USP49: variants seen among roughly 807,000 people sequenced by gnomAD.
The protein encoded by USP49 is ubiquitin specific peptidase 49.
Under a neutral mutation model 58.6 loss-of-function variants are expected in USP49, and 24 were observed. The ratio of observed to expected loss-of-function variants is 0.41; its 90% CI spans 0.30 to 0.58. The LOEUF is 0.58. USP49 is among the 20% of genes least tolerant of loss of function. The pLI is 0.30. For synonymous variants in USP49, 408 were observed against 365.1 expected (o/e 1.12, Z -1.34); for missense variants, 703 against 866.1 (o/e 0.81, Z 2.36).
chr6:41,856,325 A>T (rs1244022938), intron 3 of USP49, among the ~76,000 whole-genome samples: 1 of 151,668 alleles, frequency 6.6e-6, no homozygotes, highest in African/African-American at 2.4e-5. Context: ...CAGTGAGCCG[A>T]GATGGCGCCA....
chr6:41,817,457 CTTTT>C (rs58559695), intron 3 of USP49, among the ~76,000 whole-genome samples: 7 of 74,806 alleles, frequency 9.4e-5, no homozygotes, highest in Non-Finnish European at 1.2e-4. Flanking sequence ...TTCTTTCTTT[CTTTT>C]TTTTTTTTTT....
chr6:41,813,730 A>C (rs1773300723), intron 3 of USP49, among the ~76,000 whole-genome samples: 1 of 152,226 alleles, frequency 6.6e-6, no homozygotes, highest in Non-Finnish European at 1.5e-5. Flanking sequence ...GCACCTCACC[A>C]TACTGATTTA....
intron 2 of USP49, among the ~76,000 whole-genome samples, chr6:41,889,126 A>G (rs377387973): frequency 5.3e-5 from 8 of 151,712 alleles, no homozygotes; most frequent in African/African-American, 1.9e-4. Flanking sequence ...TCTGTCTCCC[A>G]GGTTCAAGCA....
Position 41,806,461 on chromosome 6 carries a change from C to T in USP49, c.523G>A (p.Glu175Lys). ...TCCTTCTTGCGCTCCAGGGCCTCCT[C>T]CTGCCGCCGCTGCTCCAGCTTCGCC... is the stretch of plus-strand genomic sequence containing the variant. ...GQAKLEQRRQ[E>K]EALERKKEEA... The change falls in exon 4 of 8, where the codon GAG becomes AAG. Residue 175 changes from glutamate to lysine, a missense_variant. By Grantham distance (56) the Glu-to-Lys change is moderately conservative. Transcript: ENST00000682992. This position sits in a 1 kb window ranked among gnomAD's most constrained non-coding sequence, Gnocchi z 5.9. 2 of 1,594,932 alleles carry T rather than the reference C, an allele frequency of 1.3e-6. No homozygotes were observed. The highest frequency in any genetic ancestry group is 1.7e-6 in the Non-Finnish European group (2 of 1,178,026).
intron 2 of USP49, among the ~76,000 whole-genome samples, chr6:41,887,016 C>T (rs188677457): frequency 1.2e-3 from 183 of 152,310 alleles, no homozygotes; most frequent in Non-Finnish European, 1.8e-3. Context: ...AAAGTTCTTG[C>T]TATTTTAATG....
intron 3 of USP49, among the ~76,000 whole-genome samples, chr6:41,865,441 T>C (rs1774296484): frequency 6.6e-6 from 1 of 152,178 alleles, no homozygotes; most frequent in African/African-American, 2.4e-5. Flanking sequence ...CTATCTTTAT[T>C]GTTACGCTGG....
rs952630333 is a variant in USP49 at position 41,797,181 on chromosome 6, C to T, written c.1877-458G>A. ...TTCACCATGTTAGCCAGGATGGTCT[C>T]GACCTCCTGACCTCGTGATCCGCCC... is the stretch of plus-strand genomic sequence containing the variant. On this transcript the variant is annotated intron_variant, in intron 7 of 7. Coordinates refer to ENST00000682992, the MANE Select transcript of USP49 (RefSeq NM_001286554.2). Among the ~76,000 whole-genome samples, 91 of 152,172 alleles carry T rather than the reference C, an allele frequency of 6.0e-4. 1 individual carries two copies. Among genetic ancestry groups the T allele is most frequent in the Admixed American group, 5.8e-3 (89 of 15,278 alleles).
At chr6:41,893,443 A>G (rs944796519) in intron 1 of USP49, among the ~76,000 whole-genome samples, 3 of 152,226 alleles carry the variant, frequency 2.0e-5, no homozygotes, top group African/African-American at 7.2e-5. Context: ...TAATCAAAAG[A>G]AACAGATTCT....
intron 2 of USP49, among the ~76,000 whole-genome samples, chr6:41,877,149 T>A (rs1774516959): frequency 6.6e-6 from 1 of 152,198 alleles, no homozygotes; most frequent in Non-Finnish European, 1.5e-5. Context: ...TTGCCATGGG[T>A]TTTGTCCATT....
chr6:41,806,529 G>A lies in USP49; in HGVS notation c.455C>T (p.Ala152Val). 6.3e-7 allele frequency: 1 copy of A among 1,599,808 alleles called. No homozygotes were observed. The highest frequency in any genetic ancestry group is 8.5e-7 in the Non-Finnish European group (1 of 1,179,280). ...ALWYRRQRLL[A>V]RTLRLWFEKS... ...CTCGAACCACAGCCGCAGCGTCCTG[G>A]CCAGCAGGCGCTGACGCCGGTACCA... is the stretch of plus-strand genomic sequence containing the variant. Residue 152 changes from alanine (A) to valine (V), a missense_variant, in exon 4 of 8, where the codon GCC becomes GTC. By Grantham distance (64) the Ala-to-Val change is moderately conservative. Around this residue, in one of 6 missense-constraint regions of USP49, gnomAD observed 376 missense variants for 373.5 expected, o/e 1.01. Coordinates refer to ENST00000682992, the MANE Select transcript of USP49 (RefSeq NM_001286554.2). This position sits in a 1 kb window ranked among gnomAD's most constrained non-coding sequence, Gnocchi z 5.9.
intron 3 of USP49, among the ~76,000 whole-genome samples, chr6:41,808,058 C>G (rs965200701): frequency 6.6e-6 from 1 of 151,966 alleles, no homozygotes; most frequent in Admixed American, 6.6e-5. Context: ...AATACAGGCA[C>G]GAGCCACTGC....
intron 3 of USP49, among the ~76,000 whole-genome samples, chr6:41,866,532 C>T (rs1774322263): frequency 1.3e-5 from 2 of 152,212 alleles, no homozygotes; most frequent in South Asian, 2.1e-4. Context: ...ATACAAACAA[C>T]ATTCTGAGTT....
intron 2 of USP49, among the ~76,000 whole-genome samples, chr6:41,889,410 T>C (rs1037456127): frequency 2.0e-4 from 30 of 152,330 alleles, no homozygotes; most frequent in Non-Finnish European, 4.3e-4. Flanking sequence ...GTCTTTAAAA[T>C]ATGTATTTCA....
chr6:41,820,754 C>T (rs534763539), intron 3 of USP49, among the ~76,000 whole-genome samples: 1 of 152,246 alleles, frequency 6.6e-6, no homozygotes, highest in Non-Finnish European at 1.5e-5. Context: ...AATCACAGCA[C>T]TTTGGGAAGC....
chr6:41,803,778 T>C lies in USP49; in HGVS notation c.1561+28A>G. 2 of 1,611,512 alleles carry C rather than the reference T, an allele frequency of 1.2e-6. No individual in the cohort carries two copies. The highest frequency in any genetic ancestry group is 1.7e-6 in the Non-Finnish European group (2 of 1,177,792). Reference sequence around the variant, plus strand: ...TGATATTCCAATTATTCTTCCCCACTACGCCCCCTCCTCCACACAGCACTC... The same window carrying C: ...TGATATTCCAATTATTCTTCCCCACCACGCCCCCTCCTCCACACAGCACTC... On this transcript the variant is annotated intron_variant, in intron 5 of 7. Coordinates refer to ENST00000682992, the MANE Select transcript of USP49 (RefSeq NM_001286554.2). This position sits in a 1 kb window ranked among gnomAD's most constrained non-coding sequence, Gnocchi z 4.1.
At chr6:41,876,343 A>AT (rs34917355) in intron 2 of USP49, among the ~76,000 whole-genome samples, 37,823 of 152,070 alleles carry the variant, frequency 0.25, 4,892 homozygotes, top group Middle Eastern at 0.32. Context: ...TACAAAGTCT[A>AT]TAAGAATGAC....
At chr6:41,839,983 GAAATA>G (rs941218483) in intron 3 of USP49, among the ~76,000 whole-genome samples, 9 of 151,864 alleles carry the variant, frequency 5.9e-5, no homozygotes, top group African/African-American at 2.2e-4. Context: ...AAAAACTATT[GAAATA>G]AAATAAAAGA....
At chr6:41,822,320 A>G (rs80229308) in intron 3 of USP49, among the ~76,000 whole-genome samples, 1 of 152,172 alleles carries the variant, frequency 6.6e-6, no homozygotes, top group East Asian at 1.9e-4. Context: ...GTCTGCAGAG[A>G]AAAAAAGGAA....
At chr6:41,867,761 A>G (rs577063628) in intron 3 of USP49, among the ~76,000 whole-genome samples, 27 of 151,872 alleles carry the variant, frequency 1.8e-4, no homozygotes, top group African/African-American at 6.5e-4. Flanking sequence ...CAAAAAACAA[A>G]CAAACAAAAA....
Sources: allele counts gnomAD v4.1 joint callset (sites outside exome capture counted in the v4.1 genomes callset), GRCh38; gene constraint gnomAD v4.1.1; regional missense constraint gnomAD v4.1.1; non-coding constraint Gnocchi (gnomAD v3.1); transcripts MANE v1.5; gene names NCBI Gene and HGNC (gene_info 2026-07-23, HGNC 2026-07-21).